Variants in NRXN1 observed in about 807,000 individuals in gnomAD.
NRXN1 encodes the protein neurexin-1.
In NRXN1, 39 loss-of-function variants were observed where a neutral mutation model predicts 150.9. The ratio of observed to expected loss-of-function variants is 0.26; its 90% CI spans 0.20 to 0.34. NRXN1 has a LOEUF of 0.34. Among genes scored for constraint, NRXN1 ranks in the 10% least tolerant of loss-of-function variants. The pLI is 1.00. For missense variants in NRXN1, 1,815 were observed against 1,949.9 expected, an observed-to-expected ratio of 0.93 and a Z score of 1.30; for synonymous variants, 924 against 757.0, an observed-to-expected ratio of 1.22 and a Z score of -3.62.
chr2:50,059,783 G>A (rs114711189), intron 19 of NRXN1, among the ~76,000 whole-genome samples: 2,138 of 152,318 alleles, frequency 0.014, 52 homozygotes, highest in African/African-American at 0.049. Context: ...GAGGGTGCAA[G>A]CCCCAAACCT....
intron 5 of NRXN1, among the ~76,000 whole-genome samples, chr2:50,706,455 G>T (rs1018564715): frequency 6.6e-6 from 1 of 152,072 alleles, no homozygotes; most frequent in African/African-American, 2.4e-5. Context: ...TTATTGATAA[G>T]GGAAACTTGA....
intron 21 of NRXN1, among the ~76,000 whole-genome samples, chr2:49,968,152 G>C (rs117403221): frequency 4.8e-5 from 7 of 144,980 alleles, no homozygotes; most frequent in Non-Finnish European, 1.1e-4. Flanking sequence ...AAAAAAAAAA[G>C]AAAATTAAGA....
intron 8 of NRXN1, among the ~76,000 whole-genome samples, chr2:50,570,491 T>A (rs999183888): frequency 6.6e-6 from 1 of 152,052 alleles, no homozygotes; most frequent in Non-Finnish European, 1.5e-5. Context: ...AAGAGAAAAA[T>A]TTTACCCTTT....
At chr2:50,393,756 A>C (rs538449373) in intron 17 of NRXN1, among the ~76,000 whole-genome samples, 12 of 152,256 alleles carry the variant, frequency 7.9e-5, no homozygotes, top group Non-Finnish European at 1.3e-4. Flanking sequence ...CTACATGAGA[A>C]TCTGGCAAAA....
At chr2:50,430,108 C>G (rs575974256) in intron 17 of NRXN1, among the ~76,000 whole-genome samples, 1 of 152,264 alleles carries the variant, frequency 6.6e-6, no homozygotes, top group East Asian at 1.9e-4. Context: ...TCCCATTGTT[C>G]TATTCAATGC....
chr2:50,880,974 G>A (rs2103685694), intron 5 of NRXN1, among the ~76,000 whole-genome samples: 1 of 152,046 alleles, frequency 6.6e-6, no homozygotes, highest in South Asian at 2.1e-4. Context: ...ACGGTGTCAG[G>A]ACACAGAGAA....
chr2:50,793,841 T>G (rs921042018), intron 5 of NRXN1, among the ~76,000 whole-genome samples: 37 of 152,000 alleles, frequency 2.4e-4, no homozygotes, highest in African/African-American at 8.7e-4. Flanking sequence ...CCACAATGAT[T>G]CTCATGCATT....
chr2:50,165,131 T>A (rs2059597000), intron 18 of NRXN1, among the ~76,000 whole-genome samples: 1 of 152,104 alleles, frequency 6.6e-6, no homozygotes, highest in African/African-American at 2.4e-5. Context: ...CCTCAATGGG[T>A]AACTGACCTC....
At chr2:50,545,560 T>A (rs2093475848) in intron 9 of NRXN1, among the ~76,000 whole-genome samples, 1 of 152,186 alleles carries the variant, frequency 6.6e-6, no homozygotes, top group South Asian at 2.1e-4. Context: ...GTTTGACTGA[T>A]ATTTACTAAC....
chr2:50,640,282 T>C (rs942071312), intron 5 of NRXN1, among the ~76,000 whole-genome samples: 5 of 152,172 alleles, frequency 3.3e-5, no homozygotes, highest in East Asian at 1.9e-4. Flanking sequence ...AGATATGACC[T>C]AGGCATTCAA....
intron 19 of NRXN1, among the ~76,000 whole-genome samples, chr2:50,088,329 A>G (rs1035106255): frequency 2.0e-5 from 3 of 152,268 alleles, no homozygotes; most frequent in African/African-American, 7.2e-5. Context: ...CACTGAAATG[A>G]ACACAGAGCA....
intron 2 of NRXN1, among the ~76,000 whole-genome samples, chr2:50,934,562 A>C (rs1688239943): frequency 6.6e-6 from 1 of 152,210 alleles, no homozygotes; most frequent in Non-Finnish European, 1.5e-5. Context: ...GCCACTGGCT[A>C]CCAGGCTGGA....
At chr2:50,329,125 G>T (rs947457971) in intron 17 of NRXN1, among the ~76,000 whole-genome samples, 2 of 151,970 alleles carry the variant, frequency 1.3e-5, no homozygotes, top group Non-Finnish European at 2.9e-5. Flanking sequence ...AAATTAAAAG[G>T]TATGTAATTA....
At chr2:50,303,328 G>C (rs1715991) in intron 17 of NRXN1, among the ~76,000 whole-genome samples, 74,613 of 152,030 alleles carry the variant, frequency 0.49, 19,518 homozygotes, top group Non-Finnish European at 0.57. Flanking sequence ...TTAGAATGAT[G>C]AGCGTCTGAT....
intron 17 of NRXN1, among the ~76,000 whole-genome samples, chr2:50,403,547 C>T (rs1345797806): frequency 1.3e-5 from 2 of 151,942 alleles, no homozygotes; most frequent in East Asian, 1.9e-4. Context: ...TTTGACTTGA[C>T]CTTATTTTAA....
chr2:49,964,686 G>T (rs1266056662), intron 21 of NRXN1, among the ~76,000 whole-genome samples: 1 of 150,708 alleles, frequency 6.6e-6, no homozygotes, highest in Non-Finnish European at 1.5e-5. Context: ...CTAAAAATAC[G>T]AAAAATTAGC....
chr2:50,129,581 T>G (rs1705162564), intron 18 of NRXN1, among the ~76,000 whole-genome samples: 1 of 152,212 alleles, frequency 6.6e-6, no homozygotes, highest in South Asian at 2.1e-4. Flanking sequence ...TCATAAACCA[T>G]GCTCCATGTG....
At chr2:50,954,218 C>CT (rs1691899073) in intron 2 of NRXN1, among the ~76,000 whole-genome samples, 1 of 152,134 alleles carries the variant, frequency 6.6e-6, no homozygotes, top group Non-Finnish European at 1.5e-5. Context: ...AGGATGTTTT[C>CT]TTTCTTCAAA....
intron 5 of NRXN1, among the ~76,000 whole-genome samples, chr2:50,865,040 G>A (rs1676686030): frequency 6.6e-6 from 1 of 151,802 alleles, no homozygotes; most frequent in Non-Finnish European, 1.5e-5. Context: ...GAATGTATAA[G>A]AGGAAAAGAG....
Sources: allele counts gnomAD v4.1 joint callset (sites outside exome capture counted in the v4.1 genomes callset), GRCh38; gene constraint gnomAD v4.1.1; transcripts MANE v1.5; gene names NCBI Gene and HGNC (gene_info 2026-07-23, HGNC 2026-07-21).